Variants in PPARGC1A observed in about 807,000 individuals in gnomAD.
The protein encoded by PPARGC1A is peroxisome proliferator-activated receptor gamma coactivator 1-alpha.
A neutral mutation model predicts 88.7 loss-of-function variants in PPARGC1A; 25 were observed. The ratio of observed to expected loss-of-function variants is 0.28; its 90% CI spans 0.21 to 0.39. The LOEUF is 0.39. Among genes scored for constraint, PPARGC1A ranks in the 10% least tolerant of loss-of-function variants. The pLI is 1.00. For missense variants in PPARGC1A, 880 were observed against 968.7 expected (o/e 0.91, Z 1.22); for synonymous variants, 363 against 355.6 (o/e 1.02, Z -0.24).
At chr4:23,835,521 TAGTAAGGGCTACTATTCAACC>T (rs1331841222) in intron 2 of PPARGC1A, among the ~76,000 whole-genome samples, 2 of 148,064 alleles carry the variant, frequency 1.4e-5, no homozygotes, top group East Asian at 4.0e-4. Flanking sequence ...AGTATGTGGG[TAGTAAGGGCTACTATTCAACC>T]AGTATCTACC....
At chr4:24,245,890 T>G in the PPARGC1A span, among the ~76,000 whole-genome samples, 1 of 151,924 alleles carries the variant, frequency 6.6e-6, no homozygotes, top group African/African-American at 2.4e-5. Flanking sequence ...TATTAGTACA[T>G]GGTTTGTTTG....
At chr4:23,983,040 T>A in the PPARGC1A span, among the ~76,000 whole-genome samples, 1 of 152,070 alleles carries the variant, frequency 6.6e-6, no homozygotes, top group East Asian at 1.9e-4. Flanking sequence ...ACAGAAGCAA[T>A]GTGGCCTGCA....
At chr4:24,050,362 A>AT in the PPARGC1A span, among the ~76,000 whole-genome samples, 11 of 151,360 alleles carry the variant, frequency 7.3e-5, no homozygotes, top group Non-Finnish European at 1.2e-4. Context: ...CGCCCAGCTA[A>AT]TTTTTTTGTA....
chr4:23,989,811 C>G, the PPARGC1A span, among the ~76,000 whole-genome samples: 1 of 151,574 alleles, frequency 6.6e-6, no homozygotes, highest in East Asian at 1.9e-4. Context: ...TCAGGCTATT[C>G]TTTGACAAGA....
the PPARGC1A span, among the ~76,000 whole-genome samples, chr4:24,425,901 C>T: frequency 1.3e-5 from 2 of 152,110 alleles, no homozygotes; most frequent in Non-Finnish European, 2.9e-5. Context: ...TTGACTAAAG[C>T]TAACAACGAA....
chr4:23,899,328 T>C (rs1719015699), upstream of PPARGC1A: 1 of 152,254 alleles, frequency 6.6e-6, no homozygotes, highest in Non-Finnish European at 1.5e-5. Context: ...TATGACATCA[T>C]TCAATGTTAT....
At chr4:23,951,836 T>G in the PPARGC1A span, among the ~76,000 whole-genome samples, 1 of 152,198 alleles carries the variant, frequency 6.6e-6, no homozygotes, top group African/African-American at 2.4e-5. Context: ...CCAAGACGTT[T>G]CAGGAGTCTA....
chr4:24,380,119 T>C, the PPARGC1A span, among the ~76,000 whole-genome samples: 7 of 152,150 alleles, frequency 4.6e-5, no homozygotes, highest in African/African-American at 1.7e-4. Flanking sequence ...GTTTTTTTTT[T>C]AATCATGGGA....
chr4:24,257,807 T>A, the PPARGC1A span, among the ~76,000 whole-genome samples: 7 of 152,138 alleles, frequency 4.6e-5, no homozygotes, highest in Non-Finnish European at 1.0e-4. Context: ...CTTTGAGACA[T>A]AAAGTGACTG....
the PPARGC1A span, among the ~76,000 whole-genome samples, chr4:24,303,221 G>A: frequency 6.6e-6 from 1 of 152,164 alleles, no homozygotes; most frequent in African/African-American, 2.4e-5. Context: ...AGGGGCAGAA[G>A]ACAGAGAAGA....
the PPARGC1A span, among the ~76,000 whole-genome samples, chr4:24,460,695 T>A: frequency 6.6e-6 from 1 of 152,176 alleles, no homozygotes; most frequent in African/African-American, 2.4e-5. Context: ...CAAAGCTATG[T>A]AACCCTCTTC....
the PPARGC1A span, among the ~76,000 whole-genome samples, chr4:24,135,827 A>T: frequency 5.9e-5 from 9 of 152,136 alleles, no homozygotes; most frequent in Non-Finnish European, 1.3e-4. Context: ...TCAGAATTTA[A>T]TATATACTCT....
the PPARGC1A span, among the ~76,000 whole-genome samples, chr4:23,984,806 T>C: frequency 6.6e-6 from 1 of 152,036 alleles, no homozygotes; most frequent in Non-Finnish European, 1.5e-5. Flanking sequence ...CCTAAAGCCA[T>C]ACAGTAAGTT....
chr4:23,875,686 C>T (rs1468680185), intron 2 of PPARGC1A: 2 of 152,132 alleles, frequency 1.3e-5, no homozygotes, highest in Admixed American at 1.3e-4. Flanking sequence ...AGCTAAATCC[C>T]ATTCGCCACA....
the PPARGC1A span, among the ~76,000 whole-genome samples, chr4:24,275,314 A>G: frequency 6.6e-6 from 1 of 152,242 alleles, no homozygotes; most frequent in Non-Finnish European, 1.5e-5. Flanking sequence ...CTAATTCTGT[A>G]GCATAGCTCT....
At chr4:24,183,766 A>G in the PPARGC1A span, among the ~76,000 whole-genome samples, 1 of 152,194 alleles carries the variant, frequency 6.6e-6, no homozygotes, top group South Asian at 2.1e-4. Flanking sequence ...TCTACATGTG[A>G]TAAAGGAAAA....
chr4:23,970,926 C>A, the PPARGC1A span, among the ~76,000 whole-genome samples: 1 of 152,148 alleles, frequency 6.6e-6, no homozygotes, highest in African/African-American at 2.4e-5. Flanking sequence ...TCTGATGATG[C>A]ACACAGGCCT....
the PPARGC1A span, among the ~76,000 whole-genome samples, chr4:24,333,686 C>G: frequency 2.6e-5 from 4 of 152,168 alleles, no homozygotes; most frequent in East Asian, 5.8e-4. Context: ...GTAATCCCAG[C>G]ACTTTGGGAG....
At chr4:23,930,601 A>G in the PPARGC1A span, among the ~76,000 whole-genome samples, 1 of 152,230 alleles carries the variant, frequency 6.6e-6, no homozygotes, top group African/African-American at 2.4e-5. Flanking sequence ...AAGAGCATAT[A>G]TCATTCAAGC....
Sources: allele counts gnomAD v4.1 joint callset (sites outside exome capture counted in the v4.1 genomes callset), GRCh38; gene constraint gnomAD v4.1.1; transcripts MANE v1.5; gene names NCBI Gene and HGNC (gene_info 2026-07-23, HGNC 2026-07-21).